Variants in CADPS observed in about 807,000 individuals in gnomAD.
CADPS encodes calcium-dependent secretion activator 1.
Under a neutral mutation model 167.3 loss-of-function variants are expected in CADPS, and 57 were observed. The ratio of observed to expected loss-of-function variants is 0.34; its 90% CI spans 0.28 to 0.42. The LOEUF (loss-of-function observed/expected upper bound fraction) is 0.42, where lower values mean the gene tolerates loss of function less well. CADPS is among the 20% of genes least tolerant of loss of function. The pLI is 1.00. For synonymous variants in CADPS, 676 were observed against 635.3 expected (o/e 1.06, Z -0.96); for missense variants, 1,414 against 1,738.1 (o/e 0.81, Z 3.32).
At position 62,672,370 on chromosome 3, in the gene CADPS, A is replaced by G. The variant is rs990414932; in HGVS notation, c.889-9976T>C. ...AAGGCAGGCTGCTCATCTTTTTGGA[A>G]CGTGCATTTGCTCATGTTACTCTCC... On this transcript the variant is annotated intron_variant, in intron 3 of 29. Coordinates refer to ENST00000383710, the MANE Select transcript of CADPS (RefSeq NM_003716.4). Among the ~76,000 whole-genome samples the G allele has an allele frequency of 2.0e-5, 3 of 152,136 alleles. No individual in the cohort carries two copies. The East Asian group carries it at 5.8e-4, about 29-fold the overall frequency.
chr3:62,447,412 G>A (rs917600915), intron 26 of CADPS, among the ~76,000 whole-genome samples: 1 of 152,074 alleles, frequency 6.6e-6, no homozygotes, highest in African/African-American at 2.4e-5. Context: ...CCTTACACTT[G>A]TTCTTGCAGC....
chr3:62,574,995 A>G (rs889839477), intron 8 of CADPS, among the ~76,000 whole-genome samples: 1 of 152,208 alleles, frequency 6.6e-6, no homozygotes, highest in African/African-American at 2.4e-5. Context: ...CAAATTCAGG[A>G]AGTGGGCAAG....
intron 16 of CADPS, among the ~76,000 whole-genome samples, 164 bp from the exon 17 acceptor site, chr3:62,512,932 C>A (rs575783554): frequency 1.3e-5 from 2 of 151,854 alleles, no homozygotes; most frequent in African/African-American, 4.8e-5. Flanking sequence ...AGTTTGGGGG[C>A]CAGCAAAAAA....
At chr3:62,648,814 T>C (rs1003047493) in intron 5 of CADPS, among the ~76,000 whole-genome samples, 2 of 152,088 alleles carry the variant, frequency 1.3e-5, no homozygotes, top group African/African-American at 4.8e-5. Flanking sequence ...ACACCTTTAA[T>C]TGGCAATAAT....
chr3:62,562,718 C>T (rs957755265), intron 9 of CADPS, among the ~76,000 whole-genome samples: 2 of 152,204 alleles, frequency 1.3e-5, no homozygotes, highest in Non-Finnish European at 2.9e-5. Flanking sequence ...TTGGGAACCA[C>T]TCTCTTTTCA....
chr3:62,517,548 AT>A (rs2069309563), intron 14 of CADPS, among the ~76,000 whole-genome samples: 1 of 152,160 alleles, frequency 6.6e-6, no homozygotes, highest in East Asian at 1.9e-4. Context: ...TGCTATTATT[AT>A]TTTTCAGTTA....
chr3:62,590,788 A>C (rs1417982232), intron 7 of CADPS, among the ~76,000 whole-genome samples: 4 of 152,288 alleles, frequency 2.6e-5, no homozygotes, highest in African/African-American at 9.6e-5. Flanking sequence ...GGCTGAGATC[A>C]CGTAGCTTTC....
chr3:62,653,651 T>A (rs929103246), intron 4 of CADPS, among the ~76,000 whole-genome samples: 1 of 152,188 alleles, frequency 6.6e-6, no homozygotes, highest in African/African-American at 2.4e-5. Flanking sequence ...ACATAATAAG[T>A]ATTCAATACA....
intron 28 of CADPS, among the ~76,000 whole-genome samples, chr3:62,407,235 C>T (rs770016212): frequency 8.5e-5 from 13 of 152,122 alleles, no homozygotes; most frequent in Non-Finnish European, 1.6e-4. Context: ...AAGTGGAACA[C>T]GTTACCAGGG....
intron 18 of CADPS, among the ~76,000 whole-genome samples, chr3:62,496,288 G>A (rs781379312): frequency 6.6e-6 from 1 of 152,010 alleles, no homozygotes; most frequent in Non-Finnish European, 1.5e-5. Context: ...CCCATGCTCA[G>A]CACCTCCCTG....
At chr3:62,677,939 G>GT (rs926434342) in intron 3 of CADPS, among the ~76,000 whole-genome samples, 2 of 152,028 alleles carry the variant, frequency 1.3e-5, no homozygotes, top group Non-Finnish European at 1.5e-5. Context: ...GTGCTTTGGG[G>GT]TTTTTTCTCA....
At chr3:62,644,712 T>G (rs1333907818) in intron 6 of CADPS, among the ~76,000 whole-genome samples, 1 of 152,182 alleles carries the variant, frequency 6.6e-6, no homozygotes, top group Non-Finnish European at 1.5e-5. Flanking sequence ...AGCTGTTTAC[T>G]CTGCCTAGAA....
At chr3:62,432,913 T>C (rs574883262) in intron 28 of CADPS, among the ~76,000 whole-genome samples, 4 of 152,300 alleles carry the variant, frequency 2.6e-5, no homozygotes, top group African/African-American at 9.6e-5. Context: ...GTGTCTAGAA[T>C]GCCATATGCC....
intron 1 of CADPS, among the ~76,000 whole-genome samples, chr3:62,766,579 T>G (rs2152508978): frequency 6.6e-6 from 1 of 152,342 alleles, no homozygotes; most frequent in Non-Finnish European, 1.5e-5. Flanking sequence ...TTATTGTTGT[T>G]GGTACATCCA....
At chr3:62,855,846 A>G (rs9845872) in intron 1 of CADPS, among the ~76,000 whole-genome samples, 27,515 of 152,100 alleles carry the variant, frequency 0.18, 2,524 homozygotes, top group Middle Eastern at 0.22. Context: ...TAAGGTGCTT[A>G]AGGGGCAATA....
At chr3:62,489,711 G>T (rs954350900) in intron 21 of CADPS, among the ~76,000 whole-genome samples, 2 of 152,118 alleles carry the variant, frequency 1.3e-5, no homozygotes, top group African/African-American at 4.8e-5. Context: ...AGTAGTCTCC[G>T]TATTTAAGTG....
At chr3:62,628,928 C>T (rs1232953418) in intron 6 of CADPS, among the ~76,000 whole-genome samples, 1 of 152,088 alleles carries the variant, frequency 6.6e-6, no homozygotes, top group African/African-American at 2.4e-5. Flanking sequence ...CCTGGCCAAC[C>T]ATGAGCCTTT....
At chr3:62,488,506 T>G (rs1310520524) in intron 21 of CADPS, among the ~76,000 whole-genome samples, 1 of 151,748 alleles carries the variant, frequency 6.6e-6, no homozygotes, top group African/African-American at 2.4e-5. Flanking sequence ...ATTATTATTA[T>G]TTTTTAATAG....
At position 62,753,650 on chromosome 3, in the gene CADPS, C is replaced by T. The variant is rs372234823; in HGVS notation, c.679G>A (p.Gly227Ser). 8 of 1,613,998 alleles carry T rather than the reference C, an allele frequency of 5.0e-6. No individual in the cohort carries two copies. In the African/African-American group the frequency reaches 8.0e-5, roughly 16 times the overall value. The change falls in exon 3 of 30, where the codon GGC becomes AGC. Residue 227 changes from glycine (G) to serine (S), a missense_variant. Coordinates refer to ENST00000383710, the MANE Select transcript of CADPS (RefSeq NM_003716.4). This position sits in a 1 kb window ranked among gnomAD's most constrained non-coding sequence, Gnocchi z 4.6. The stretch of plus-strand genomic sequence containing the variant: ...CTCAGCACAGTCTCCTTGCTGAGGC[C>T]GTCAATCTCAGGCAGGCTGCGCACT... ...KRVRSLPEID[G>S]LSKETVLSSW... is the part of the protein sequence containing the mutation.
Sources: allele counts gnomAD v4.1 joint callset (sites outside exome capture counted in the v4.1 genomes callset), GRCh38; gene constraint gnomAD v4.1.1; non-coding constraint Gnocchi (gnomAD v3.1); transcripts MANE v1.5; gene names NCBI Gene and HGNC (gene_info 2026-07-23, HGNC 2026-07-21).